DNAH7: variants seen among roughly 807,000 people sequenced by gnomAD.
DNAH7 encodes axonemal beta dynein heavy chain 7.
Under a neutral mutation model 444.6 loss-of-function variants are expected in DNAH7, and 397 were observed. That is an observed-to-expected ratio of 0.89 (90% CI 0.82 to 0.97). The LOEUF (loss-of-function observed/expected upper bound fraction) is 0.97. DNAH7 is among the 50% of genes least tolerant of loss of function. The probability of loss-of-function intolerance (pLI) is 0.00; values close to 1 mark genes in which losing one functional copy is unlikely to be tolerated. For missense variants in DNAH7, 4,902 were observed against 4,800.8 expected, an observed-to-expected ratio of 1.02 and a Z score of -0.62; for synonymous variants, 1,636 against 1,624.4, an observed-to-expected ratio of 1.01 and a Z score of -0.17.
intron 41 of DNAH7, among the ~76,000 whole-genome samples, chr2:195,862,597 C>T (rs975726865): frequency 2.6e-5 from 4 of 152,120 alleles, no homozygotes; most frequent in African/African-American, 9.7e-5. Flanking sequence ...TATACCACTT[C>T]CCCCCACAGT....
At chr2:196,066,062 C>T (rs1393788901) in intron 1 of DNAH7, among the ~76,000 whole-genome samples, 1 of 152,182 alleles carries the variant, frequency 6.6e-6, no homozygotes, top group Non-Finnish European at 1.5e-5. Flanking sequence ...ATTAAAATTG[C>T]TAAGGAGTCT....
At chr2:195,784,468 T>C (rs1695519305) in intron 58 of DNAH7, among the ~76,000 whole-genome samples, 1 of 152,246 alleles carries the variant, frequency 6.6e-6, no homozygotes, top group Admixed American at 6.5e-5. Context: ...TATCCCATTG[T>C]CTGAATGTAT....
At chr2:195,844,079 G>A (rs1698843312) in intron 47 of DNAH7, among the ~76,000 whole-genome samples, 1 of 150,492 alleles carries the variant, frequency 6.6e-6, no homozygotes, top group South Asian at 2.2e-4. Context: ...CTGGGCAACG[G>A]AGTGAGACTC....
At chr2:195,756,896 G>A (rs1036249250) in intron 61 of DNAH7, among the ~76,000 whole-genome samples, 2 of 151,908 alleles carry the variant, frequency 1.3e-5, no homozygotes, top group Non-Finnish European at 2.9e-5. Flanking sequence ...GGGGGATGAG[G>A]CAAGAGGATC....
At position 196,047,408 on chromosome 2, in the gene DNAH7, G is replaced by T; in HGVS notation, c.342C>A (p.Gly114=). Residue 114 remains glycine, a synonymous_variant, in exon 5 of 65, where the codon GGC becomes GGA. Coordinates refer to ENST00000312428, the MANE Select transcript of DNAH7 (RefSeq NM_018897.3). ...YVGPSTSKSK[G]KSPHKERENF... ...TTTCTCGTTCTTTATGTGGAGATTT[G>T]CCCTTTGATTTGGAAGTAGATGGTC... 3.7e-6 allele frequency: 6 copies of T among 1,601,968 alleles called. No individual in the cohort carries two copies. Among genetic ancestry groups the T allele is most frequent in the Non-Finnish European group, 5.1e-6 (6 of 1,173,364 alleles).
chr2:195,819,079 T>C lies in DNAH7; in HGVS notation c.9292-1250A>G, dbSNP rs1168626677. On this transcript the variant is annotated intron_variant, in intron 49 of 64. Coordinates refer to ENST00000312428, the MANE Select transcript of DNAH7 (RefSeq NM_018897.3). ...ACACACTATCTATGAAATGCCTCCA[T>C]GTGCTTCAGTGTTTGCTCTACGCCC... Among the ~76,000 whole-genome samples the C allele has an allele frequency of 3.9e-5, 6 of 152,194 alleles. No individual in the cohort carries two copies. The South Asian group carries it at 1.0e-3, about 26-fold the overall frequency.
chr2:196,054,114 T>C (rs1697655203), intron 2 of DNAH7, among the ~76,000 whole-genome samples: 1 of 152,190 alleles, frequency 6.6e-6, no homozygotes, highest in African/African-American at 2.4e-5. Flanking sequence ...TTCCAAAATA[T>C]CTCCCTGTTA....
chr2:195,873,711 A>G lies in DNAH7; in HGVS notation c.6287-17T>C, dbSNP rs770434069. ...GACCACCACCTAAATATTAAAAAGT[A>G]TAACTCTTAATAATGTTACTAGTAT... On this transcript the variant is annotated splice_polypyrimidine_tract_variant and intron_variant, in intron 38 of 64. Transcript: ENST00000312428. 4.7e-6 allele frequency: 7 copies of G among 1,505,018 alleles called. No individual in the cohort carries two copies. In the Admixed American group the frequency reaches 1.0e-4, roughly 22 times the overall value. 93.2% of individuals were successfully genotyped at this position (1,505,018 alleles called of 1,614,324 possible).
chr2:196,021,242 C>T (rs532134568), intron 8 of DNAH7, among the ~76,000 whole-genome samples: 2 of 152,262 alleles, frequency 1.3e-5, no homozygotes, highest in South Asian at 4.1e-4. Context: ...TATGTTTTAA[C>T]CAACTTAGTG....
intron 51 of DNAH7, among the ~76,000 whole-genome samples, chr2:195,814,354 C>T (rs904329599): frequency 6.6e-6 from 1 of 152,136 alleles, no homozygotes; most frequent in Non-Finnish European, 1.5e-5. Context: ...TTCTAAATTT[C>T]ATCCAAATCA....
At chr2:196,032,445 T>G (rs1261061422) in intron 5 of DNAH7, among the ~76,000 whole-genome samples, 6 of 152,112 alleles carry the variant, frequency 3.9e-5, no homozygotes, top group Non-Finnish European at 7.4e-5. Flanking sequence ...GTATCAGGGT[T>G]GGCAGATACC....
chr2:195,793,085 A>T (rs1695966318), intron 57 of DNAH7, among the ~76,000 whole-genome samples: 1 of 151,940 alleles, frequency 6.6e-6, no homozygotes, highest in Non-Finnish European at 1.5e-5. Context: ...GTGTGCCACC[A>T]GGCCTGGCTA....
At chr2:195,855,483 G>A (rs1298621293) in intron 45 of DNAH7, among the ~76,000 whole-genome samples, 2 of 151,730 alleles carry the variant, frequency 1.3e-5, no homozygotes, top group Non-Finnish European at 2.9e-5. Context: ...AGTAATCTAA[G>A]GCAGACAGAC....
At chr2:195,792,363 T>C (rs941636573) in intron 57 of DNAH7, among the ~76,000 whole-genome samples, 2 of 124,932 alleles carry the variant, frequency 1.6e-5, no homozygotes, top group Non-Finnish European at 3.3e-5. Context: ...GAATCTAAAA[T>C]AAAAGTTGAA....
chr2:195,901,834 A>T (rs1686730678), intron 27 of DNAH7: 1 of 152,198 alleles, frequency 6.6e-6, no homozygotes, highest in East Asian at 1.9e-4. Flanking sequence ...AATTTTACAA[A>T]TTGTAAAGAT....
At chr2:195,846,766 A>G (rs776971116) in intron 46 of DNAH7, among the ~76,000 whole-genome samples, 5 of 152,058 alleles carry the variant, frequency 3.3e-5, no homozygotes, top group Admixed American at 3.3e-4. Context: ...AAAAGGCTAG[A>G]CTGGCTTAGC....
At chr2:195,960,981 G>C (rs774989962) in intron 17 of DNAH7, 36 bp from the exon 18 acceptor site, 4 of 1,426,338 alleles carry the variant, frequency 2.8e-6, no homozygotes, top group Non-Finnish European at 2.8e-6. Flanking sequence ...TAGTTATTTT[G>C]AAAGTGAATG....
chr2:195,971,354 T>C (rs895491866), intron 16 of DNAH7, among the ~76,000 whole-genome samples: 4 of 152,186 alleles, frequency 2.6e-5, no homozygotes, highest in Non-Finnish European at 5.9e-5. Context: ...TGTCAGTCAC[T>C]GTGCTGGGAA....
chr2:195,922,542 AC>A (rs1009397168), intron 23 of DNAH7, among the ~76,000 whole-genome samples: 44 of 152,320 alleles, frequency 2.9e-4, no homozygotes, highest in African/African-American at 1.0e-3. Context: ...ACATCTGGTA[AC>A]GGGAGGATCT....
Sources: allele counts gnomAD v4.1 joint callset (sites outside exome capture counted in the v4.1 genomes callset), GRCh38; gene constraint gnomAD v4.1.1; transcripts MANE v1.5; gene names NCBI Gene and HGNC (gene_info 2026-07-23, HGNC 2026-07-21).